SEC23B: variants seen among roughly 807,000 people sequenced by gnomAD.
The protein encoded by SEC23B is protein transport protein Sec23B.
In SEC23B, 77 loss-of-function variants were observed where a neutral mutation model predicts 104.3. The observed-to-expected ratio is 0.74, with a 90% confidence interval of 0.61 to 0.89. The LOEUF (loss-of-function observed/expected upper bound fraction) is 0.89. SEC23B is among the 40% of genes least tolerant of loss of function. SEC23B has a pLI of 0.00. For synonymous variants in SEC23B, 338 were observed against 332.5 expected, an observed-to-expected ratio of 1.02 and a Z score of -0.18; for missense variants, 885 against 949.4, an observed-to-expected ratio of 0.93 and a Z score of 0.89.
chr20:18,513,357 A>C (rs1305127933), intron 3 of SEC23B, among the ~76,000 whole-genome samples: 3 of 152,050 alleles, frequency 2.0e-5, no homozygotes, highest in Non-Finnish European at 1.5e-5. Context: ...AAAAAAAAAA[A>C]GTAACTGTGC....
intron 8 of SEC23B, 96 bp from the exon 9 acceptor site, chr20:18,527,400 T>C: frequency 1.2e-6 from 1 of 806,894 alleles, no homozygotes; most frequent in Admixed American, 1.7e-5. Flanking sequence ...GAAAATGATT[T>C]ACATGTTTTT....
At chr20:18,555,642 C>T (rs2060430396) in intron 19 of SEC23B, among the ~76,000 whole-genome samples, 1 of 152,096 alleles carries the variant, frequency 6.6e-6, no homozygotes, top group South Asian at 2.1e-4. Flanking sequence ...TGAGTCTTTC[C>T]TTTCATTCTG....
rs2060415347 is a variant in SEC23B at position 18,554,291 on chromosome 20, C to G, written c.2049C>G (p.Phe683Leu). 1 of 1,614,204 alleles carries G rather than the reference C, an allele frequency of 6.2e-7. No individual in the cohort carries two copies. Among genetic ancestry groups the G allele is most frequent in the Admixed American group, 1.7e-5 (1 of 60,022 alleles). ...AGGACATGCCCGAGTATGAAAACTT[C>G]AAGCACCTTCTGCAGGCACCACTGG... ...GYQDMPEYEN[F>L]KHLLQAPLDD... is the part of the protein sequence containing the mutation. The change falls in exon 18 of 20, where the codon TTC (phenylalanine) becomes TTG (leucine). Residue 683 changes from phenylalanine to leucine, a missense_variant. Transcript: ENST00000650089.
At chr20:18,549,353 C>T (rs572703499) in intron 16 of SEC23B, among the ~76,000 whole-genome samples, 2 of 151,940 alleles carry the variant, frequency 1.3e-5, no homozygotes, top group African/African-American at 4.8e-5. Context: ...AGTTATAATA[C>T]CTAATATAAT....
intron 18 of SEC23B, among the ~76,000 whole-genome samples, chr20:18,554,884 A>T (rs916842496): frequency 6.6e-6 from 1 of 151,160 alleles, no homozygotes; most frequent in African/African-American, 2.5e-5. Flanking sequence ...TTGCCAAGAT[A>T]AAATACATAT....
rs765265170 is a variant in SEC23B, at chr20:18,554,212, T to C, written c.1993-23T>C. On this transcript the variant is annotated intron_variant, in intron 17 of 19. Coordinates refer to ENST00000650089, the MANE Select transcript of SEC23B (RefSeq NM_006363.6). ...TGTTATTACAGTTTCCACAATAGTTTTGGTTGGTTTGTTTCTGTGTAGACC... is the reference window on the plus strand; with the variant it reads ...TGTTATTACAGTTTCCACAATAGTTCTGGTTGGTTTGTTTCTGTGTAGACC... The C allele has an allele frequency of 5.0e-6, 8 of 1,613,888 alleles. No individual in the cohort carries two copies. In the Admixed American group the frequency reaches 1.3e-4, roughly 27 times the overall value.
At chr20:18,527,670 T>C in intron 9 of SEC23B, 59 bp downstream of exon 9, 1 of 1,106,752 alleles carries the variant, frequency 9.0e-7, no homozygotes, top group African/African-American at 1.5e-5. Context: ...AAAGAGAAAT[T>C]AGTGATGGAG....
chr20:18,509,088 T>C (rs896007635), intron 1 of SEC23B, among the ~76,000 whole-genome samples: 1 of 152,218 alleles, frequency 6.6e-6, no homozygotes, highest in African/African-American at 2.4e-5. Context: ...GCTGACATAC[T>C]TGCTGAGAGT....
chr20:18,533,744 G>A (rs2060205628), intron 11 of SEC23B, among the ~76,000 whole-genome samples: 1 of 152,164 alleles, frequency 6.6e-6, no homozygotes, highest in South Asian at 2.1e-4. Flanking sequence ...TTCTGAGTGA[G>A]GCAGATTGCT....
At chr20:18,510,423 A>G (rs190052841) in intron 1 of SEC23B, among the ~76,000 whole-genome samples, 2 of 152,350 alleles carry the variant, frequency 1.3e-5, no homozygotes, top group Admixed American at 1.3e-4. Context: ...TGGAAAAGAA[A>G]TACTGTCATT....
At chr20:18,554,553 C>T (rs529881010) in intron 18 of SEC23B, among the ~76,000 whole-genome samples, 163 bp downstream of exon 18, 13 of 152,218 alleles carry the variant, frequency 8.5e-5, no homozygotes, top group African/African-American at 2.6e-4. Context: ...TCAGGCCAAG[C>T]GCGGTGGCTC....
intron 19 of SEC23B, among the ~76,000 whole-genome samples, chr20:18,558,727 T>A (rs925083370): frequency 5.3e-5 from 8 of 152,226 alleles, no homozygotes; most frequent in African/African-American, 1.7e-4. Flanking sequence ...TTACAAAATT[T>A]CCTTTTGGTT....
At chr20:18,560,549 G>T in intron 19 of SEC23B, 102 bp from the exon 20 acceptor site, 1 of 876,724 alleles carries the variant, frequency 1.1e-6, no homozygotes. Context: ...GTAGCAGAGG[G>T]GACAACACCT....
chr20:18,520,991 C>T (rs1181316164), intron 4 of SEC23B, among the ~76,000 whole-genome samples: 2 of 152,014 alleles, frequency 1.3e-5, no homozygotes, highest in Admixed American at 6.5e-5. Context: ...AGATGGGACA[C>T]GGCTTAGGAA....
At chr20:18,556,450 C>T (rs769723474) in intron 19 of SEC23B, among the ~76,000 whole-genome samples, 19 of 152,172 alleles carry the variant, frequency 1.2e-4, no homozygotes, top group Non-Finnish European at 2.5e-4. Context: ...ATCTTGTATT[C>T]TGTGACCTTC....
intron 12 of SEC23B, among the ~76,000 whole-genome samples, chr20:18,539,467 G>A (rs1203333802): frequency 4.3e-5 from 6 of 140,210 alleles, no homozygotes; most frequent in Non-Finnish European, 9.1e-5. Context: ...CCAAGATTGC[G>A]CCACTGCACT....
Position 18,551,724 on chromosome 20 carries a change from T to C in SEC23B, c.1992+549T>C, listed in dbSNP as rs541295432. 1.5e-4 allele frequency among the ~76,000 whole-genome samples: 23 copies of C among 151,626 alleles called. No homozygotes were observed. In the South Asian group the frequency reaches 4.8e-3, roughly 32 times the overall value. ...GTGAAACTCCATCTCAAAAAATAAA[T>C]AATAATAATAATAATATATGCTGTA... On this transcript the variant is annotated intron_variant, in intron 17 of 19. Coordinates refer to ENST00000650089, the MANE Select transcript of SEC23B (RefSeq NM_006363.6).
intron 4 of SEC23B, among the ~76,000 whole-genome samples, chr20:18,518,595 T>TTTTG (rs1555787306): frequency 6.9e-6 from 1 of 145,628 alleles, no homozygotes; most frequent in East Asian, 2.0e-4. Flanking sequence ...TTTTTTTTTT[T>TTTTG]TTTTTTTTTT....
At chr20:18,559,084 G>T (rs926244368) in intron 19 of SEC23B, among the ~76,000 whole-genome samples, 4 of 151,268 alleles carry the variant, frequency 2.6e-5, no homozygotes, top group African/African-American at 7.3e-5. Flanking sequence ...GGTTGGTGGG[G>T]GGGGTGTCGG....
Sources: gnomAD v4.1 joint callset for allele counts (sites outside exome capture counted in the v4.1 genomes callset) on GRCh38, gnomAD v4.1.1 for gene constraint, MANE v1.5 for transcripts, NCBI Gene and HGNC (gene_info 2026-07-23, HGNC 2026-07-21) for gene names.